SPOCK1: variants seen among roughly 807,000 people sequenced by gnomAD.
The protein encoded by SPOCK1 is SPARC (osteonectin), cwcv and kazal like domains proteoglycan 1.
Under a neutral mutation model 55.3 loss-of-function variants are expected in SPOCK1, and 23 were observed. That is an observed-to-expected ratio of 0.42 (90% CI 0.30 to 0.59). SPOCK1 has a LOEUF of 0.59. SPOCK1 is among the 20% of genes least tolerant of loss of function. The pLI is 0.22. For synonymous variants in SPOCK1, 226 were observed against 221.0 expected (o/e 1.02, Z -0.20); for missense variants, 499 against 552.5 (o/e 0.90, Z 0.97).
chr5:137,128,809 T>C (rs1753823633), intron 4 of SPOCK1, among the ~76,000 whole-genome samples: 1 of 152,228 alleles, frequency 6.6e-6, no homozygotes, highest in South Asian at 2.1e-4. Context: ...CAACTGTAGC[T>C]GGAAGTGCTT....
intron 2 of SPOCK1, among the ~76,000 whole-genome samples, chr5:137,356,818 TATATATATATATATATATATAGAGAGAG>T (rs1251894529): frequency 8.6e-5 from 2 of 23,192 alleles, no homozygotes; most frequent in African/African-American, 4.0e-4. Flanking sequence ...TATATATATA[TATATATATATATATATATATAGAGAGAG>T]AGAGAGAGAG....
intron 2 of SPOCK1, among the ~76,000 whole-genome samples, chr5:137,348,377 A>T (rs1750604046): frequency 6.6e-6 from 1 of 151,720 alleles, no homozygotes; most frequent in African/African-American, 2.4e-5. Flanking sequence ...AAATCCATAC[A>T]GCAAGTGCAT....
intron 3 of SPOCK1, among the ~76,000 whole-genome samples, chr5:137,237,989 A>G (rs1756211003): frequency 6.6e-6 from 1 of 152,234 alleles, no homozygotes; most frequent in African/African-American, 2.4e-5. Context: ...GGTTGAGAAT[A>G]TGGACACCGG....
rs1751916100 is a variant in SPOCK1 at position 137,037,951 on chromosome 5, G to A, written c.589+29764C>T. On this transcript the variant is annotated intron_variant, in intron 6 of 10. Coordinates refer to ENST00000394945, the MANE Select transcript of SPOCK1 (RefSeq NM_004598.4). ...CAGAGGCCATATCAGATTTGTCATAGAATAGAAAAATCCCTTTGGGAAACT... is the reference window on the plus strand; with the variant it reads ...CAGAGGCCATATCAGATTTGTCATAAAATAGAAAAATCCCTTTGGGAAACT... 2.0e-5 allele frequency among the ~76,000 whole-genome samples: 3 copies of A among 152,140 alleles called. No homozygotes were observed. In the South Asian group the frequency reaches 6.2e-4, roughly 32 times the overall value.
intron 3 of SPOCK1, among the ~76,000 whole-genome samples, chr5:137,195,722 T>A (rs1755286778): frequency 6.6e-6 from 1 of 152,180 alleles, no homozygotes; most frequent in Non-Finnish European, 1.5e-5. Flanking sequence ...CCAAGGCAGG[T>A]GACTCAGCCC....
At position 137,377,359 on chromosome 5, in the gene SPOCK1, G is replaced by A. The variant is rs542810903; in HGVS notation, c.187-110304C>T. Among the ~76,000 whole-genome samples the A allele has an allele frequency of 5.3e-5, 8 of 152,210 alleles. No homozygotes were observed. The South Asian group carries it at 1.7e-3, about 32-fold the overall frequency. On this transcript the variant is annotated intron_variant, in intron 2 of 10. Transcript: ENST00000394945. ...AAGACAGGGAGGTACCACTGAGACA[G>A]GAGCACTCAGTGCTGGAAGCTGCAG...
intron 9 of SPOCK1, among the ~76,000 whole-genome samples, chr5:136,984,283 C>G (rs1260910530): frequency 6.6e-6 from 1 of 152,158 alleles, no homozygotes; most frequent in African/African-American, 2.4e-5. Flanking sequence ...TGCAAGAAAA[C>G]TTGCCCATTT....
intron 4 of SPOCK1, among the ~76,000 whole-genome samples, chr5:137,133,636 A>T (rs965455275): frequency 1.3e-5 from 2 of 152,172 alleles, no homozygotes; most frequent in Admixed American, 6.5e-5. Context: ...TTGTTCAGTG[A>T]AGGCTCCACA....
intron 6 of SPOCK1, among the ~76,000 whole-genome samples, chr5:137,057,092 T>G (rs766837360): frequency 1.3e-5 from 2 of 152,142 alleles, no homozygotes; most frequent in Non-Finnish European, 2.9e-5. Context: ...TAAATTGTTC[T>G]GAAGTTATTG....
intron 2 of SPOCK1, among the ~76,000 whole-genome samples, chr5:137,403,591 T>C (rs1380622105): frequency 6.6e-6 from 1 of 151,808 alleles, no homozygotes; most frequent in Non-Finnish European, 1.5e-5. Flanking sequence ...ATGCAGGCGG[T>C]AGGGTGTGGC....
chr5:137,252,424 A>G (rs1044743020), intron 3 of SPOCK1, among the ~76,000 whole-genome samples: 1 of 152,230 alleles, frequency 6.6e-6, no homozygotes, highest in African/African-American at 2.4e-5. Context: ...ATCACACAGC[A>G]GCCACTGAGA....
chr5:137,016,583 G>A (rs1310961506), intron 6 of SPOCK1, among the ~76,000 whole-genome samples: 2 of 152,156 alleles, frequency 1.3e-5, no homozygotes, highest in African/African-American at 4.8e-5. Context: ...AATCAAACAG[G>A]TCATCTTAAC....
At chr5:137,245,776 C>CAA (rs143599362) in intron 3 of SPOCK1, among the ~76,000 whole-genome samples, 6,400 of 140,800 alleles carry the variant, frequency 0.045, 168 homozygotes, top group South Asian at 0.077. Flanking sequence ...CAAAACAAAA[C>CAA]AAAAAAAAAA....
At chr5:137,002,362 T>TG (rs1751168614) in intron 6 of SPOCK1, among the ~76,000 whole-genome samples, 1 of 152,074 alleles carries the variant, frequency 6.6e-6, no homozygotes, top group African/African-American at 2.4e-5. Flanking sequence ...AAATGTGCAT[T>TG]AGTGGAGTAA....
chr5:137,467,724 G>A (rs1201829177), intron 2 of SPOCK1, among the ~76,000 whole-genome samples: 3 of 152,186 alleles, frequency 2.0e-5, no homozygotes, highest in African/African-American at 7.2e-5. Context: ...CCGGTAAAGA[G>A]ACAGCATTTC....
intron 6 of SPOCK1, among the ~76,000 whole-genome samples, chr5:137,008,090 G>A (rs1279215610): frequency 6.7e-6 from 1 of 148,196 alleles, no homozygotes; most frequent in African/African-American, 2.5e-5. Flanking sequence ...GTTGAAAAAC[G>A]AGAACGTATG....
chr5:137,089,772 G>A (rs1389042864), intron 5 of SPOCK1, among the ~76,000 whole-genome samples: 1 of 152,190 alleles, frequency 6.6e-6, no homozygotes, highest in African/African-American at 2.4e-5. Flanking sequence ...AACAAAATTG[G>A]AAATGTATTC....
chr5:137,373,254 G>A (rs1001639019), intron 2 of SPOCK1, among the ~76,000 whole-genome samples: 2 of 152,192 alleles, frequency 1.3e-5, no homozygotes, highest in Admixed American at 1.3e-4. Flanking sequence ...TGTACTGTGA[G>A]TAAAAGTGCA....
chr5:137,092,246 A>G (rs1753065582), intron 5 of SPOCK1, among the ~76,000 whole-genome samples: 1 of 152,256 alleles, frequency 6.6e-6, no homozygotes, highest in Non-Finnish European at 1.5e-5. Flanking sequence ...AAATTAATCT[A>G]TAACTATGGC....
Sources: allele counts gnomAD v4.1 joint callset (sites outside exome capture counted in the v4.1 genomes callset), GRCh38; gene constraint gnomAD v4.1.1; transcripts MANE v1.5; gene names NCBI Gene and HGNC (gene_info 2026-07-23, HGNC 2026-07-21).